Variants in SNX8 observed in about 807,000 individuals in gnomAD.
The protein encoded by SNX8 is sorting nexin-8.
In SNX8, 25 loss-of-function variants were observed where a neutral mutation model predicts 51.6. That is an observed-to-expected ratio of 0.48 (90% CI 0.35 to 0.68). The LOEUF is 0.68. SNX8 is among the 30% of genes least tolerant of loss of function. SNX8 has a pLI of 0.00. For synonymous variants in SNX8, 324 were observed against 277.0 expected, an observed-to-expected ratio of 1.17 and a Z score of -1.68; for missense variants, 695 against 624.0, an observed-to-expected ratio of 1.11 and a Z score of -1.21.
intron 1 of SNX8, among the ~76,000 whole-genome samples, chr7:2,291,418 C>T (rs976963549): frequency 8.6e-5 from 13 of 151,800 alleles, no homozygotes; most frequent in African/African-American, 2.4e-4. Context: ...GCCAACATGG[C>T]GAAACCCTGT....
At chr7:2,312,252 C>G (rs548463086) in intron 1 of SNX8, among the ~76,000 whole-genome samples, 3 of 152,290 alleles carry the variant, frequency 2.0e-5, no homozygotes, top group Non-Finnish European at 4.4e-5. Context: ...CAGACTATCT[C>G]TAAATTACAC....
chr7:2,268,581 C>G (rs1379531310), intron 5 of SNX8, among the ~76,000 whole-genome samples: 3 of 146,626 alleles, frequency 2.0e-5, no homozygotes, highest in African/African-American at 5.0e-5. Context: ...GCCAGCCGCC[C>G]TGTCCGGGAG....
At chr7:2,274,997 C>T (rs1191473482) in intron 3 of SNX8, 115 bp downstream of exon 3, 10 of 722,042 alleles carry the variant, frequency 1.4e-5, no homozygotes, top group South Asian at 6.5e-5. Flanking sequence ...GAGTTTCCCC[C>T]GCAGCCCTGC....
chr7:2,295,592 CAAAAAAAAAAAAA>C lies in SNX8; in HGVS notation c.95-17300_95-17288del, dbSNP rs147853805. Among the ~76,000 whole-genome samples the C allele has an allele frequency of 1.0e-3, 98 of 93,548 alleles. 1 individual carries two copies. The highest frequency in any genetic ancestry group is 2.4e-3 in the African/African-American group (51 of 20,830). 61.4% of individuals were successfully genotyped at this position (93,548 alleles called of 152,430 possible). ...TGGTGGCAGGCGCCTGTAATCCCAG[CAAAAAAAAAAAAA>C]AAAAAAAAAAAAAGGAAATGTGTTT... On this transcript the variant is annotated intron_variant, in intron 1 of 10. Coordinates refer to ENST00000222990, the MANE Select transcript of SNX8 (RefSeq NM_013321.4).
At position 2,342,411 on chromosome 7, in the gene SNX8, TG is replaced by T. The variant is rs373299515; in HGVS notation, c.-66+11810del. 5.4e-4 allele frequency among the ~76,000 whole-genome samples: 82 copies of T among 152,110 alleles called. 2 individuals are homozygous for T. In the South Asian group the frequency reaches 7.9e-3, roughly 15 times the overall value. ...GCTCACGCCTGTAATCCCAGCACTT[TG>T]GGGGGCTGAGGAGGGCGGATCACTT... is the stretch of plus-strand genomic sequence containing the variant. On this transcript the variant is annotated intron_variant, in intron 1 of 5. Coordinates refer to the SNX8 transcript ENST00000435336.
At chr7:2,280,237 A>G (rs1158160881) in intron 1 of SNX8, among the ~76,000 whole-genome samples, 3 of 152,262 alleles carry the variant, frequency 2.0e-5, no homozygotes, top group African/African-American at 7.2e-5. Flanking sequence ...TTGCAAAGAA[A>G]AAACCAAAAC....
At chr7:2,287,384 G>A (rs1403448947) in intron 1 of SNX8, among the ~76,000 whole-genome samples, 1 of 152,114 alleles carries the variant, frequency 6.6e-6, no homozygotes, top group East Asian at 1.9e-4. Context: ...TTCGAGACCA[G>A]CCTGGCCAAC....
In SNX8 at chr7:2,350,171, A is replaced by G. The variant is rs200605679; in HGVS notation, c.-66+4051T>C. On this transcript the variant is annotated intron_variant, in intron 1 of 5. Transcript: ENST00000435336. The stretch of plus-strand genomic sequence containing the variant: ...TCTCATTCTGTTAAGATAAACCCAC[A>G]GGAAAATAAAGGCACAGCTTTCCTA... 4.6e-5 allele frequency among the ~76,000 whole-genome samples: 7 copies of G among 152,294 alleles called. No individual in the cohort carries two copies. In the East Asian group the frequency reaches 9.7e-4, roughly 21 times the overall value.
chr7:2,268,158 G>A (rs1333802202), intron 5 of SNX8, among the ~76,000 whole-genome samples: 2 of 141,710 alleles, frequency 1.4e-5, no homozygotes, highest in Admixed American at 7.1e-5. Flanking sequence ...CATCCGGGAG[G>A]GAGGTGGGGG....
At chr7:2,348,326 T>TTTTC (rs1294699422) in intron 1 of SNX8, among the ~76,000 whole-genome samples, 2 of 143,818 alleles carry the variant, frequency 1.4e-5, no homozygotes, top group Middle Eastern at 3.6e-3. Flanking sequence ...TATCTTTTTC[T>TTTTC]TTTCTTTCTT....
At chr7:2,276,925 A>AT (rs1164050534) in intron 2 of SNX8, among the ~76,000 whole-genome samples, 1 of 152,218 alleles carries the variant, frequency 6.6e-6, no homozygotes, top group Non-Finnish European at 1.5e-5. Flanking sequence ...AGCCTGGTTG[A>AT]CAGAGCAATA....
chr7:2,315,216 T>TCATG (rs1796734838), upstream of SNX8, among the ~76,000 whole-genome samples: 1 of 150,354 alleles, frequency 6.7e-6, no homozygotes, highest in African/African-American at 2.5e-5. Flanking sequence ...ACCCACTCAC[T>TCATG]CACTGCATCC....
chr7:2,289,062 C>G (rs551522703), intron 1 of SNX8, among the ~76,000 whole-genome samples: 1 of 152,120 alleles, frequency 6.6e-6, no homozygotes, highest in African/African-American at 2.4e-5. Context: ...TAACCACGGT[C>G]GAAAGTCAGT....
At chr7:2,302,674 C>T (rs897463903) in intron 1 of SNX8, among the ~76,000 whole-genome samples, 2 of 151,748 alleles carry the variant, frequency 1.3e-5, no homozygotes, top group Non-Finnish European at 2.9e-5. Context: ...TCTTCCCGGC[C>T]GCCACCACAT....
At chr7:2,346,410 C>T (rs898788451) in intron 1 of SNX8, among the ~76,000 whole-genome samples, 2 of 151,464 alleles carry the variant, frequency 1.3e-5, no homozygotes, top group African/African-American at 4.9e-5. Context: ...TTCACCACTG[C>T]ACTCCAGCCT....
chr7:2,274,438 G>C (rs1056025462), intron 3 of SNX8, among the ~76,000 whole-genome samples: 10 of 152,214 alleles, frequency 6.6e-5, no homozygotes, highest in Admixed American at 2.6e-4. Context: ...TTCAGAATTT[G>C]AGGAACGGGC....
intron 1 of SNX8, among the ~76,000 whole-genome samples, chr7:2,295,342 T>C (rs1392764475): frequency 2.8e-5 from 4 of 144,510 alleles, no homozygotes; most frequent in Non-Finnish European, 6.0e-5. Flanking sequence ...AGACGGAGGC[T>C]GCAGTGAGCC....
At chr7:2,255,235 C>A in intron 10 of SNX8, 66 bp from the exon 11 acceptor site, 1 of 1,048,608 alleles carries the variant, frequency 9.5e-7, no homozygotes, top group Non-Finnish European at 1.4e-6. Flanking sequence ...CGCTCTGATC[C>A]CAGTTCCTTC....
chr7:2,314,336 G>C lies in SNX8; in HGVS notation c.86C>G (p.Pro29Arg). ...GCCGCCCCACGCCCTACCTGACGCC[G>C]GGGGATCCGCCTCCTCGTCAGCCTC... ...EAEADEEADPPASDLPTPQAI... is the reference protein window; with the variant it reads ...EAEADEEADPRASDLPTPQAI... Residue 29 changes from proline (P) to arginine (R), a missense_variant, in exon 1 of 11, where the codon CCG (proline) becomes CGG (arginine). Pro to Arg is a moderately radical substitution (Grantham distance 103). Transcript: ENST00000222990. 3 of 1,222,950 alleles carry C rather than the reference G, an allele frequency of 2.5e-6. No homozygotes were observed. Among genetic ancestry groups the C allele is most frequent in the Non-Finnish European group, 3.1e-6 (3 of 982,120 alleles). The allele number at this position is 1,222,950 out of a possible 1,614,324, so 75.8% of individuals were successfully genotyped here. A position where few individuals can be genotyped will look rare whatever the true frequency, so the allele number is the denominator to read the frequency against.
Sources: gnomAD v4.1 joint callset for allele counts (sites outside exome capture counted in the v4.1 genomes callset) on GRCh38, gnomAD v4.1.1 for gene constraint, MANE v1.5 for transcripts, NCBI Gene and HGNC (gene_info 2026-07-23, HGNC 2026-07-21) for gene names.